FOXJ3: variants seen among roughly 807,000 people sequenced by gnomAD.
FOXJ3 encodes forkhead box protein J3.
A neutral mutation model predicts 76.1 loss-of-function variants in FOXJ3; 22 were observed. The observed-to-expected ratio is 0.29, with a 90% CI of 0.21 to 0.41. The LOEUF (loss-of-function observed/expected upper bound fraction) is 0.41, where lower values mean the gene tolerates loss of function less well. Ranked by LOEUF, FOXJ3 falls within the 10% of genes least tolerant of loss-of-function variation. The pLI is 1.00. For missense variants in FOXJ3, 613 were observed against 762.1 expected (o/e 0.80, Z 2.30); for synonymous variants, 269 against 261.2 (o/e 1.03, Z -0.29).
At chr1:42,209,593 G>C (rs1159812671) in intron 5 of FOXJ3, among the ~76,000 whole-genome samples, 1 of 152,110 alleles carries the variant, frequency 6.6e-6, no homozygotes, top group Admixed American at 6.5e-5. Context: ...ACCCTACCCA[G>C]GTATAAAATT....
At chr1:42,213,348 T>A (rs1303444927) in intron 5 of FOXJ3, among the ~76,000 whole-genome samples, 2 of 151,780 alleles carry the variant, frequency 1.3e-5, no homozygotes, top group Non-Finnish European at 2.9e-5. Context: ...ACCTAACATG[T>A]AAGGATTCTT....
intron 4 of FOXJ3, among the ~76,000 whole-genome samples, chr1:42,235,156 T>C (rs1341267380): frequency 6.6e-6 from 1 of 152,186 alleles, no homozygotes; most frequent in Non-Finnish European, 1.5e-5. Flanking sequence ...CTCAGACTGC[T>C]GTGCTAGCAA....
At chr1:42,211,732 C>T (rs955891052) in intron 5 of FOXJ3, among the ~76,000 whole-genome samples, 1 of 152,182 alleles carries the variant, frequency 6.6e-6, no homozygotes, top group African/African-American at 2.4e-5. Context: ...CCTGCTCACA[C>T]ATCCAGCACA....
intron 9 of FOXJ3, chr1:42,189,685 A>AACCTCCAGTCTAGC: frequency 3.2e-6 from 1 of 311,908 alleles, no homozygotes; most frequent in East Asian, 7.8e-5. Context: ...CAGGTCTTCT[A>AACCTCCAGTCTAGC]ACCTCCAGTC....
At chr1:42,313,937 C>G (rs888515706) in intron 1 of FOXJ3, among the ~76,000 whole-genome samples, 1 of 152,180 alleles carries the variant, frequency 6.6e-6, no homozygotes, top group African/African-American at 2.4e-5. Flanking sequence ...CTCCTAATCT[C>G]CAAACAAATA....
chr1:42,246,877 T>TC (rs1270864803), intron 4 of FOXJ3, among the ~76,000 whole-genome samples: 1 of 152,174 alleles, frequency 6.6e-6, no homozygotes, highest in Non-Finnish European at 1.5e-5. Context: ...TGAAAGCCTG[T>TC]CATTTGTAGC....
intron 11 of FOXJ3, among the ~76,000 whole-genome samples, chr1:42,185,453 G>A (rs1646416345): frequency 6.6e-6 from 1 of 151,442 alleles, no homozygotes; most frequent in African/African-American, 2.4e-5. Flanking sequence ...GTAGAGACGG[G>A]GTTTCACCAT....
At chr1:42,233,733 T>C (rs947369131) in intron 4 of FOXJ3, among the ~76,000 whole-genome samples, 1 of 127,760 alleles carries the variant, frequency 7.8e-6, no homozygotes, top group Non-Finnish European at 1.7e-5. Context: ...AATCATGTCA[T>C]CTGCAAACAG....
rs771944701 is a variant in FOXJ3 at position 42,181,976 on chromosome 1, G to A, written c.1694C>T (p.Pro565Leu). ...TGGGATATGAGGATAACCAGGGGGT[G>A]GCATCACTGAAGGAGGGAGATTTTG... ...SRQNLPPSVM[P>L]PPGYPHIPQA... The change falls in exon 12 of 13, where the codon CCA becomes CTA. Residue 565 changes from proline to leucine, a missense_variant. By Grantham distance (98) the Pro-to-Leu change is moderately conservative (BLOSUM62 -3). This residue lies in a region of FOXJ3 where 526 missense variants were observed against 601.4 expected (regional missense o/e 0.87). Transcript: ENST00000361346. 3.7e-6 allele frequency: 6 copies of A among 1,613,474 alleles called. No individual in the cohort carries two copies. In the Admixed American group the frequency reaches 5.0e-5, roughly 13 times the overall value.
chr1:42,191,513 G>C lies in FOXJ3; in HGVS notation c.1141C>G (p.Pro381Ala), dbSNP rs755715969. 5.0e-6 allele frequency: 8 copies of C among 1,614,046 alleles called. No homozygotes were observed. The highest frequency in any genetic ancestry group is 6.8e-6 in the Non-Finnish European group (8 of 1,179,972). Residue 381 changes from proline (P) to alanine (A), a missense_variant, in exon 9 of 13, where the codon CCA becomes GCA. Physicochemically the swap from Pro to Ala is conservative, Grantham distance 27. This residue lies in a region of FOXJ3 where 526 missense variants were observed against 601.4 expected (regional missense o/e 0.87). Transcript: ENST00000361346. ...SHPQMHTQPS[P>A]HPPHRPHGLP... ...CCATGCGGTCGATGGGGAGGATGTGGAGATGGCTGTGTGTGCATCTGGGGG... is the reference window on the plus strand; with the variant it reads ...CCATGCGGTCGATGGGGAGGATGTGCAGATGGCTGTGTGTGCATCTGGGGG...
At chr1:42,280,493 C>T in intron 2 of FOXJ3, 1 of 870,194 alleles carries the variant, frequency 1.1e-6, no homozygotes. Context: ...ACAATCTCAA[C>T]CAGAAATGCC....
In FOXJ3 at chr1:42,182,019, A is replaced by G; in HGVS notation, c.1651T>C (p.Leu551=). ...KPSQHIGTGN[L]YIDSRQNLPP... is the part of the protein sequence containing the mutation. ...AGATTTTGCCTAGAATCTATGTACAAATTTCCTAATCAGATTAAAAGCAGA... is the reference window on the plus strand; with the variant it reads ...AGATTTTGCCTAGAATCTATGTACAGATTTCCTAATCAGATTAAAAGCAGA... The change falls in exon 12 of 13, where the codon TTG becomes CTG. Residue 551 remains leucine, a synonymous_variant. Transcript: ENST00000361346. The G allele has an allele frequency of 6.3e-7, 1 of 1,596,228 alleles. No individual in the cohort carries two copies. The highest frequency in any genetic ancestry group is 2.2e-5 in the East Asian group (1 of 44,768).
At chr1:42,180,424 T>C (rs541141795) in intron 12 of FOXJ3, among the ~76,000 whole-genome samples, 1 of 152,288 alleles carries the variant, frequency 6.6e-6, no homozygotes, top group African/African-American at 2.4e-5. Flanking sequence ...CTCCCCAATT[T>C]TGATTCATTG....
intron 5 of FOXJ3, among the ~76,000 whole-genome samples, chr1:42,216,204 G>A (rs1312776503): frequency 6.6e-6 from 1 of 151,998 alleles, no homozygotes; most frequent in Non-Finnish European, 1.5e-5. Flanking sequence ...CACCAGAAAT[G>A]GTAGACACTG....
At chr1:42,229,510 G>A (rs77959374) in intron 4 of FOXJ3, among the ~76,000 whole-genome samples, 2 of 152,276 alleles carry the variant, frequency 1.3e-5, no homozygotes, top group East Asian at 3.9e-4. Context: ...TACAAGGTAG[G>A]TGTGTACGTC....
chr1:42,221,557 G>A (rs879573661), intron 5 of FOXJ3, among the ~76,000 whole-genome samples: 3 of 151,998 alleles, frequency 2.0e-5, no homozygotes, highest in Admixed American at 6.6e-5. Context: ...CTGGGCTCAC[G>A]CAATCCTCTG....
At chr1:42,333,974 C>T (rs539348779) in intron 1 of FOXJ3, among the ~76,000 whole-genome samples, 1 of 152,204 alleles carries the variant, frequency 6.6e-6, no homozygotes, top group South Asian at 2.1e-4. Context: ...CAAAAAGGTG[C>T]CCACCAATCT....
rs989447989 is a variant in FOXJ3, at chr1:42,278,820, C to T, written c.45-148G>A. 6.9e-6 allele frequency: 4 copies of T among 575,768 alleles called. 1 individual carries two copies. Among genetic ancestry groups the T allele is most frequent in the East Asian group, 5.4e-5 (2 of 36,770 alleles). The allele number at this position is 575,768 out of a possible 1,614,324, so 35.7% of individuals were successfully genotyped here. A position where few individuals can be genotyped will look rare whatever the true frequency, so the allele number is the denominator to read the frequency against. ...AAGATTGAGTATGTTAATGAGCAAA[C>T]CAAATATTTAAGGGATCAACATTCC... On this transcript the variant is annotated intron_variant, in intron 2 of 12. Coordinates refer to ENST00000361346, the MANE Select transcript of FOXJ3 (RefSeq NM_014947.5).
chr1:42,273,378 C>T (rs1030342248), intron 3 of FOXJ3, among the ~76,000 whole-genome samples: 7 of 152,122 alleles, frequency 4.6e-5, no homozygotes, highest in East Asian at 1.9e-4. Flanking sequence ...AAATGAAAGA[C>T]GAAATCAGCT....
Sources: gnomAD v4.1 joint callset for allele counts (sites outside exome capture counted in the v4.1 genomes callset) on GRCh38, gnomAD v4.1.1 for gene constraint, gnomAD v4.1.1 regional missense constraint, MANE v1.5 for transcripts, NCBI Gene and HGNC (gene_info 2026-07-23, HGNC 2026-07-21) for gene names.